The following EPHA6 variants were observed in gnomAD, a reference collection of about 807,000 sequenced individuals.
EPHA6 encodes EPH receptor A6.
Under a neutral mutation model 112.0 loss-of-function variants are expected in EPHA6, and 50 were observed. The observed-to-expected ratio is 0.45, with a 90% CI of 0.36 to 0.56. The LOEUF (loss-of-function observed/expected upper bound fraction) is 0.56, where lower values mean the gene tolerates loss of function less well. EPHA6 is among the 20% of genes least tolerant of loss of function. The pLI is 0.00. For synonymous variants in EPHA6, 529 were observed against 490.7 expected, an observed-to-expected ratio of 1.08 and a Z score of -1.03; for missense variants, 1,280 against 1,417.4, an observed-to-expected ratio of 0.90 and a Z score of 1.56.
At chr3:97,429,556 G>C (rs551071168) in intron 6 of EPHA6, among the ~76,000 whole-genome samples, 43 of 152,030 alleles carry the variant, frequency 2.8e-4, no homozygotes, top group African/African-American at 1.0e-3. Flanking sequence ...GTTTTTATAA[G>C]GACCTCAGCC....
rs191452665 is a variant in EPHA6 at position 97,083,772 on chromosome 3, A to G, written c.1114+95779A>G. On this transcript the variant is annotated intron_variant, in intron 3 of 17. Transcript: ENST00000389672. ...ACACAGATTGCACAAATTTGCAGGC[A>G]TATATACACAAAGATAATCAGTGGA... Among the ~76,000 whole-genome samples, 6 of 151,860 alleles carry G rather than the reference A, an allele frequency of 4.0e-5. 1 individual carries two copies. The highest frequency in any genetic ancestry group is 1.4e-4 in the African/African-American group (6 of 41,516).
intron 6 of EPHA6, among the ~76,000 whole-genome samples, chr3:97,414,192 T>G (rs1422735876): frequency 1.3e-5 from 2 of 152,068 alleles, no homozygotes; most frequent in Non-Finnish European, 2.9e-5. Flanking sequence ...AAAATTAAAT[T>G]GAGAAAGGCC....
In EPHA6 at chr3:96,829,945, GCGCGCACAC is replaced by G. The variant is rs1234882623; in HGVS notation, c.385+14938_385+14946del. Among the ~76,000 whole-genome samples, 621 of 87,026 alleles carry G rather than the reference GCGCGCACAC, an allele frequency of 7.1e-3. 5 individuals carry two copies. The highest frequency in any genetic ancestry group is 0.024 in the African/African-American group (607 of 25,792). 57.1% of individuals were successfully genotyped at this position (87,026 alleles called of 152,430 possible). ...TACACATGCACGTGCATGTGCGCGC[GCGCGCACAC>G]ACACACACACACACACACACACACA... On this transcript the variant is annotated intron_variant, in intron 1 of 17. Transcript: ENST00000389672.
intron 3 of EPHA6, among the ~76,000 whole-genome samples, chr3:97,185,804 G>A (rs1199635698): frequency 6.6e-6 from 1 of 152,024 alleles, no homozygotes; most frequent in East Asian, 1.9e-4. Flanking sequence ...CAAAGACTTG[G>A]AACCAAGCCA....
At chr3:96,879,159 A>G (rs78300611) in intron 2 of EPHA6, among the ~76,000 whole-genome samples, 4,261 of 152,148 alleles carry the variant, frequency 0.028, 201 homozygotes, top group African/African-American at 0.095. Flanking sequence ...TCAGAGGGAA[A>G]CTATGAATGT....
rs540910089 is a variant in EPHA6, at chr3:97,703,140, A to G, written c.2785-17121A>G. Among the ~76,000 whole-genome samples the G allele has an allele frequency of 2.9e-4, 44 of 152,282 alleles. No homozygotes were observed. In the South Asian group the frequency reaches 7.7e-3, roughly 27 times the overall value. On this transcript the variant is annotated intron_variant, in intron 14 of 17. Coordinates refer to ENST00000389672, the MANE Select transcript of EPHA6 (RefSeq NM_001080448.3). ...CTAATGCACTACAGAGCTGACGTGA[A>G]ACTTCCTCTAGATTCCTAAAAGAAG...
chr3:97,489,141 G>A (rs1356490843), intron 10 of EPHA6, among the ~76,000 whole-genome samples: 1 of 152,164 alleles, frequency 6.6e-6, no homozygotes, highest in East Asian at 1.9e-4. Context: ...ATGACTATTA[G>A]ATTAAAAAAT....
chr3:97,318,680 C>T (rs374929617), intron 5 of EPHA6, among the ~76,000 whole-genome samples: 2 of 152,084 alleles, frequency 1.3e-5, no homozygotes, highest in Non-Finnish European at 1.5e-5. Flanking sequence ...CTCCTTAATT[C>T]TCTGAACTCA....
chr3:97,181,575 G>GTATA (rs1332876784), intron 3 of EPHA6, among the ~76,000 whole-genome samples: 10 of 132,828 alleles, frequency 7.5e-5, no homozygotes, highest in African/African-American at 3.6e-4. Context: ...TAGCAGAAGT[G>GTATA]TATATATATA....
intron 11 of EPHA6, among the ~76,000 whole-genome samples, chr3:97,568,104 G>A (rs2093291021): frequency 6.6e-6 from 1 of 152,184 alleles, no homozygotes; most frequent in South Asian, 2.1e-4. Context: ...CTTGCTGTAA[G>A]CCTGGGCCCT....
At chr3:97,476,745 G>GA (rs1191437013) in intron 8 of EPHA6, among the ~76,000 whole-genome samples, 1 of 151,964 alleles carries the variant, frequency 6.6e-6, no homozygotes, top group Non-Finnish European at 1.5e-5. Flanking sequence ...ATTTACCGAG[G>GA]AAAAAAGCAG....
chr3:97,416,756 T>C (rs1198550029), intron 6 of EPHA6, among the ~76,000 whole-genome samples: 1 of 152,178 alleles, frequency 6.6e-6, no homozygotes, highest in Non-Finnish European at 1.5e-5. Flanking sequence ...TGTTTAAATA[T>C]GCTTAAGATA....
chr3:97,036,478 G>T lies in EPHA6; in HGVS notation c.1114+48485G>T, dbSNP rs144496752. On this transcript the variant is annotated intron_variant, in intron 3 of 17. Transcript: ENST00000389672. The stretch of plus-strand genomic sequence containing the variant: ...AAAAACTGAGCTGTGAGTGTTTTTT[G>T]CATTTTAATCTTTCTGGCAATTTTC... Among the ~76,000 whole-genome samples, 968 of 151,980 alleles carry T rather than the reference G, an allele frequency of 6.4e-3. 8 individuals are homozygous for T. Among genetic ancestry groups the T allele is most frequent in the African/African-American group, 0.021 (875 of 41,512 alleles).
At chr3:96,838,821 G>T (rs1007506103) in intron 1 of EPHA6, among the ~76,000 whole-genome samples, 8 of 151,964 alleles carry the variant, frequency 5.3e-5, no homozygotes, top group African/African-American at 1.9e-4. Context: ...GGTACATTTT[G>T]TGTTGAAAGC....
intron 2 of EPHA6, among the ~76,000 whole-genome samples, chr3:96,903,275 G>A (rs1173535474): frequency 2.0e-5 from 3 of 152,220 alleles, no homozygotes; most frequent in Admixed American, 6.5e-5. Flanking sequence ...GGTGCAGAGG[G>A]GCAAAGGCAA....
chr3:97,736,235 CTT>C, intron 16 of EPHA6, 117 bp downstream of exon 16: 1 of 658,986 alleles, frequency 1.5e-6, no homozygotes, highest in East Asian at 3.0e-5. Context: ...TAGTTGTTGA[CTT>C]TGTGGAAACC....
intron 5 of EPHA6, among the ~76,000 whole-genome samples, chr3:97,340,962 C>G (rs16838575): frequency 0.043 from 6,583 of 152,258 alleles, 437 homozygotes; most frequent in African/African-American, 0.14. Context: ...ATCTATGATG[C>G]CTTACTCACA....
At position 97,756,385 on chromosome 3, in the gene EPHA6, T is replaced by C. The variant is rs2107934503; in HGVS notation, c.*7684T>C. ...TTTAACTTGTTTAAATATCCATTGG[T>C]ATATTATCAAGAGCTATTACTGCAA... is the stretch of plus-strand genomic sequence containing the variant. On this transcript the variant is annotated 3_prime_UTR_variant, in exon 18 of 18. Transcript: ENST00000389672. 6.6e-6 allele frequency among the ~76,000 whole-genome samples: 1 copy of C among 152,112 alleles called. No homozygotes were observed. Among genetic ancestry groups the C allele is most frequent in the East Asian group, 1.9e-4 (1 of 5,194 alleles).
chr3:97,724,817 G>A (rs1207257973), intron 15 of EPHA6, among the ~76,000 whole-genome samples: 1 of 151,888 alleles, frequency 6.6e-6, no homozygotes, highest in African/African-American at 2.4e-5. Context: ...CCACTATGTA[G>A]GTAATGAGAT....
Sources: gnomAD v4.1 joint callset for allele counts (sites outside exome capture counted in the v4.1 genomes callset) on GRCh38, gnomAD v4.1.1 for gene constraint, MANE v1.5 for transcripts, NCBI Gene and HGNC (gene_info 2026-07-23, HGNC 2026-07-21) for gene names.